ZNF804A: variants seen among roughly 807,000 people sequenced by gnomAD.
ZNF804A encodes the protein zinc finger protein 804A.
ZNF804A carries 2 observed loss-of-function variants against 16.5 expected under a neutral mutation model. The observed-to-expected ratio is 0.12, with a 90% CI of 0.05 to 0.38. ZNF804A has a LOEUF of 0.38. Ranked by LOEUF, ZNF804A falls within the 10% of genes least tolerant of loss-of-function variation. The probability of loss-of-function intolerance (pLI) is 0.99; values close to 1 mark genes in which losing one functional copy is unlikely to be tolerated. For synonymous variants in ZNF804A, 534 were observed against 489.6 expected (o/e 1.09, Z -1.20); for missense variants, 1,473 against 1,390.7 (o/e 1.06, Z -0.94).
At chr2:184,619,086 T>C (rs903381683) in intron 1 of ZNF804A, among the ~76,000 whole-genome samples, 1 of 152,046 alleles carries the variant, frequency 6.6e-6, no homozygotes, top group Non-Finnish European at 1.5e-5. Flanking sequence ...AAACACCTTG[T>C]GATGTGTGAA....
chr2:184,761,556 A>C (rs1694036595), intron 1 of ZNF804A, among the ~76,000 whole-genome samples: 1 of 152,142 alleles, frequency 6.6e-6, no homozygotes, highest in Non-Finnish European at 1.5e-5. Flanking sequence ...ATAATTTTAA[A>C]TATAATGGGA....
chr2:184,826,184 C>A (rs9973631), intron 1 of ZNF804A, among the ~76,000 whole-genome samples: 48,673 of 151,860 alleles, frequency 0.32, 10,585 homozygotes, highest in African/African-American at 0.62. Context: ...GAGCCCAGCT[C>A]CCTTTTTACT....
At chr2:184,762,129 G>T (rs1260754348) in intron 1 of ZNF804A, among the ~76,000 whole-genome samples, 1 of 149,512 alleles carries the variant, frequency 6.7e-6, no homozygotes, top group East Asian at 2.0e-4. Context: ...CATTTTCTCT[G>T]TCTGCTTTCT....
chr2:184,661,974 A>G (rs190830154), intron 1 of ZNF804A, among the ~76,000 whole-genome samples: 40 of 152,330 alleles, frequency 2.6e-4, no homozygotes, highest in African/African-American at 7.7e-4. Flanking sequence ...TAAAACAAAT[A>G]TTAAAGTTTT....
chr2:184,837,044 C>G (rs1026687948), intron 1 of ZNF804A, among the ~76,000 whole-genome samples: 1 of 151,882 alleles, frequency 6.6e-6, no homozygotes, highest in East Asian at 1.9e-4. Context: ...ACTGCTTCTT[C>G]GCAGATCAGT....
At chr2:184,849,100 T>C (rs934524332) in intron 1 of ZNF804A, among the ~76,000 whole-genome samples, 1 of 152,048 alleles carries the variant, frequency 6.6e-6, no homozygotes, top group Non-Finnish European at 1.5e-5. Context: ...TTTAAAATCT[T>C]AGAAATGTAT....
intron 1 of ZNF804A, among the ~76,000 whole-genome samples, chr2:184,816,366 T>C (rs1357875366): frequency 6.6e-6 from 1 of 151,998 alleles, no homozygotes; most frequent in Admixed American, 6.6e-5. Context: ...ATTTGCAATA[T>C]AGTTTTATCC....
At chr2:184,926,841 A>G (rs1157699055) in intron 2 of ZNF804A, among the ~76,000 whole-genome samples, 1 of 152,126 alleles carries the variant, frequency 6.6e-6, no homozygotes, top group Non-Finnish European at 1.5e-5. Context: ...CAGCTCCAGA[A>G]TTTCTGCTTG....
chr2:184,919,324 A>C (rs1685496514), intron 2 of ZNF804A, among the ~76,000 whole-genome samples: 1 of 152,186 alleles, frequency 6.6e-6, no homozygotes, highest in African/African-American at 2.4e-5. Flanking sequence ...ATCAGGGGTC[A>C]GTGGTGGTCT....
intron 1 of ZNF804A, among the ~76,000 whole-genome samples, chr2:184,678,860 A>G (rs1305481470): frequency 6.6e-6 from 1 of 152,238 alleles, no homozygotes; most frequent in Non-Finnish European, 1.5e-5. Flanking sequence ...GATATTCAGG[A>G]GAATGCAGAC....
intron 1 of ZNF804A, among the ~76,000 whole-genome samples, chr2:184,651,985 C>T (rs1691991333): frequency 6.6e-6 from 1 of 152,048 alleles, no homozygotes; most frequent in Non-Finnish European, 1.5e-5. Flanking sequence ...GACACATGCA[C>T]TCATATTTTA....
At chr2:184,797,454 T>A (rs968404182) in intron 1 of ZNF804A, among the ~76,000 whole-genome samples, 3 of 152,180 alleles carry the variant, frequency 2.0e-5, no homozygotes, top group African/African-American at 7.2e-5. Flanking sequence ...CTACCCCTGC[T>A]TGCTTTTGTT....
At chr2:184,896,036 A>G in intron 2 of ZNF804A, among the ~76,000 whole-genome samples, 1 of 152,200 alleles carries the variant, frequency 6.6e-6, no homozygotes, top group Non-Finnish European at 1.5e-5. Flanking sequence ...AATCTAGTTT[A>G]TTAAAAACAT....
chr2:184,772,920 A>C (rs1462467318), intron 1 of ZNF804A, among the ~76,000 whole-genome samples: 31 of 147,468 alleles, frequency 2.1e-4, no homozygotes, highest in African/African-American at 6.7e-4. Context: ...ACACACACAC[A>C]CACCCCACAC....
At chr2:184,787,531 C>CT (rs1694467498) in intron 1 of ZNF804A, among the ~76,000 whole-genome samples, 1 of 151,668 alleles carries the variant, frequency 6.6e-6, no homozygotes, top group Non-Finnish European at 1.5e-5. Context: ...GTTTTTTTGA[C>CT]TTTTTAATAA....
At chr2:184,768,293 T>A (rs556534631) in intron 1 of ZNF804A, among the ~76,000 whole-genome samples, 60 of 152,160 alleles carry the variant, frequency 3.9e-4, no homozygotes, top group Non-Finnish European at 6.8e-4. Context: ...TCCTTGAATT[T>A]TGGTATCTGC....
At chr2:184,715,533 A>C in intron 1 of ZNF804A, among the ~76,000 whole-genome samples, 1 of 152,020 alleles carries the variant, frequency 6.6e-6, no homozygotes, top group Non-Finnish European at 1.5e-5. Context: ...GACTACAGGC[A>C]TATGCCACCA....
At chr2:184,803,052 A>T (rs1164163813) in intron 1 of ZNF804A, among the ~76,000 whole-genome samples, 1 of 152,232 alleles carries the variant, frequency 6.6e-6, no homozygotes, top group Non-Finnish European at 1.5e-5. Flanking sequence ...GTTATCTGAA[A>T]TATAGTAAAC....
intron 1 of ZNF804A, among the ~76,000 whole-genome samples, chr2:184,860,899 T>A (rs1422981495): frequency 6.6e-6 from 1 of 152,212 alleles, no homozygotes; most frequent in African/African-American, 2.4e-5. Flanking sequence ...GTCTCTGGGG[T>A]TGGCCTAGGG....
Sources: gnomAD v4.1 joint callset for allele counts (sites outside exome capture counted in the v4.1 genomes callset) on GRCh38, gnomAD v4.1.1 for gene constraint, MANE v1.5 for transcripts, NCBI Gene and HGNC (gene_info 2026-07-23, HGNC 2026-07-21) for gene names.